Variants in SMARCC2 observed in about 807,000 individuals in gnomAD.
SMARCC2 encodes SWI/SNF complex subunit SMARCC2.
Under a neutral mutation model 151.3 loss-of-function variants are expected in SMARCC2, and 15 were observed. The observed-to-expected ratio is 0.10, with a 90% CI of 0.07 to 0.15. SMARCC2 has a LOEUF of 0.15. Among genes scored for constraint, SMARCC2 ranks in the 10% least tolerant of loss-of-function variants. The probability of loss-of-function intolerance (pLI) is 1.00; values close to 1 mark genes in which losing one functional copy is unlikely to be tolerated. For synonymous variants in SMARCC2, 590 were observed against 609.5 expected, an observed-to-expected ratio of 0.97 and a Z score of 0.47; for missense variants, 1,031 against 1,599.7, an observed-to-expected ratio of 0.64 and a Z score of 6.06.
At position 56,186,147 on chromosome 12, in the gene SMARCC2, C is replaced by G. The variant is rs1592326851; in HGVS notation, c.317+8G>C. 1.1e-5 allele frequency: 18 copies of G among 1,568,412 alleles called. No homozygotes were observed. Among genetic ancestry groups the G allele is most frequent in the Non-Finnish European group, 1.5e-5 (17 of 1,138,394 alleles). On this transcript the variant is annotated splice_region_variant and intron_variant, in intron 3 of 28. Transcript: ENST00000550164. ...TAAATATAAGAAGAATAGAGAGAAT[C>G]ATCTCACCATCCCTGGTCACTCTTG...
chr12:56,164,198 G>T, intron 28 of SMARCC2, 105 bp downstream of exon 28: 2 of 1,007,958 alleles, frequency 2.0e-6, no homozygotes, highest in Non-Finnish European at 2.9e-6. Context: ...GTTCAAAAAG[G>T]ATTGTGGAAA....
chr12:56,188,421 G>C (rs1877690131), intron 1 of SMARCC2, among the ~76,000 whole-genome samples: 1 of 152,176 alleles, frequency 6.6e-6, no homozygotes, highest in Admixed American at 6.5e-5. Flanking sequence ...AGGAAGAACT[G>C]GGGAGCTGAA....
At chr12:56,175,302 C>T (rs963530336) in intron 15 of SMARCC2, among the ~76,000 whole-genome samples, 1 of 152,190 alleles carries the variant, frequency 6.6e-6, no homozygotes, top group Admixed American at 6.5e-5. Context: ...TGAGCCACTG[C>T]ACCTAGCCAT....
At chr12:56,176,103 C>T (rs775257178) in intron 15 of SMARCC2, among the ~76,000 whole-genome samples, 4 of 152,148 alleles carry the variant, frequency 2.6e-5, no homozygotes, top group Non-Finnish European at 2.9e-5. Context: ...GTGATCTGCC[C>T]GCCTGGGCCT....
In SMARCC2 at chr12:56,171,256, C is replaced by G; in HGVS notation, c.2347+15G>C. On this transcript the variant is annotated intron_variant, in intron 22 of 28. Transcript: ENST00000550164. This position sits in a 1 kb window ranked among gnomAD's most constrained non-coding sequence, Gnocchi z 4.2. ...TTGTGAAAGGCAAGAAATCTGGGAA[C>G]CTGCCTGGCCTTACCAATCCGCTCA... is the stretch of plus-strand genomic sequence containing the variant. 1 of 1,612,060 alleles carries G rather than the reference C, an allele frequency of 6.2e-7. No individual in the cohort carries two copies. The highest frequency in any genetic ancestry group is 8.5e-7 in the Non-Finnish European group (1 of 1,178,446).
intron 1 of SMARCC2, among the ~76,000 whole-genome samples, chr12:56,187,575 G>T (rs1877497736): frequency 6.6e-6 from 1 of 152,150 alleles, no homozygotes; most frequent in Non-Finnish European, 1.5e-5. Flanking sequence ...TCTGAAATTG[G>T]AGTTGCAGGA....
intron 5 of SMARCC2, 112 bp from the exon 6 acceptor site, chr12:56,184,356 G>A: frequency 1.4e-6 from 1 of 726,216 alleles, no homozygotes; most frequent in African/African-American, 1.8e-5. Context: ...ATTAAAGTTA[G>A]TTTGTATTCT....
In SMARCC2 at chr12:56,181,686, A is replaced by G. The variant is rs777230861; in HGVS notation, c.840+18T>C. On this transcript the variant is annotated intron_variant, in intron 9 of 28. Coordinates refer to ENST00000550164, the MANE Select transcript of SMARCC2 (RefSeq NM_001330288.2). ...CTTATGCTAAGGGCGCCAGGAAAAA[A>G]AGAACAGGATTTGTCACCTCATCTG... The G allele has an allele frequency of 2.5e-5, 41 of 1,614,074 alleles. No individual in the cohort carries two copies. Among genetic ancestry groups the G allele is most frequent in the Non-Finnish European group, 3.1e-5 (36 of 1,180,036 alleles).
intron 20 of SMARCC2, 180 bp downstream of exon 20, chr12:56,172,247 AT>A (rs1874090402): frequency 1.8e-6 from 1 of 570,208 alleles, no homozygotes; most frequent in African/African-American, 1.9e-5. Flanking sequence ...CACCTGGCTA[AT>A]TTTTAAAATT....
chr12:56,170,236 A>G (rs1195282427), intron 22 of SMARCC2, 28 bp from the exon 23 acceptor site: 5 of 1,596,132 alleles, frequency 3.1e-6, no homozygotes, highest in Non-Finnish European at 3.4e-6. Context: ...GAAAGAAAAC[A>G]GGAAATGTTT....
At chr12:56,164,186 G>GTGT in intron 28 of SMARCC2, 117 bp downstream of exon 28, 1 of 905,010 alleles carries the variant, frequency 1.1e-6, no homozygotes, top group Non-Finnish European at 1.7e-6. Context: ...TTTTACCAGA[G>GTGT]TGTTCAAAAA....
chr12:56,183,784 C>T (rs971644113), intron 7 of SMARCC2, 77 bp downstream of exon 7: 59 of 930,474 alleles, frequency 6.3e-5, no homozygotes, highest in Non-Finnish European at 2.4e-5. Flanking sequence ...AAAGAGTGGC[C>T]TCTTGCTCTG....
At chr12:56,181,637 C>A in intron 9 of SMARCC2, 40 bp from the exon 10 acceptor site, 1 of 1,611,244 alleles carries the variant, frequency 6.2e-7, no homozygotes, top group Non-Finnish European at 8.5e-7. Context: ...AGCCTACAAT[C>A]CCCACTGAAG....
At position 56,163,087 on chromosome 12, in the gene SMARCC2, TTATTAGTACGAA is replaced by T. The variant is rs1347262814; in HGVS notation, c.*590_*601del. On this transcript the variant is annotated 3_prime_UTR_variant, in exon 29 of 29. Transcript: ENST00000550164. ...AACAATGAGGAAGCCGCAGGAGGGA[TTATTAGTACGAA>T]TGAACTCGAATAAGCTCAGCGTAGG... The T allele has an allele frequency of 6.6e-6, 1 of 151,874 alleles. No homozygotes were observed. Among genetic ancestry groups the T allele is most frequent in the African/African-American group, 2.4e-5 (1 of 41,330 alleles). The allele number at this position is 151,874 out of a possible 1,614,324, so 9.4% of individuals were successfully genotyped here. A position where few individuals can be genotyped will look rare whatever the true frequency, so the allele number is the denominator to read the frequency against.
chr12:56,166,440 C>T (rs369647223), intron 26 of SMARCC2, among the ~76,000 whole-genome samples: 102 of 152,168 alleles, frequency 6.7e-4, no homozygotes, highest in Middle Eastern at 3.4e-3. Context: ...TGTGAGCCAC[C>T]GCGCCCGGCT....
chr12:56,167,280 G>A (rs572135139), intron 26 of SMARCC2, among the ~76,000 whole-genome samples: 19 of 152,232 alleles, frequency 1.2e-4, no homozygotes, highest in East Asian at 5.8e-4. Context: ...CCCAGGAGGC[G>A]GACGTTGTGG....
chr12:56,166,145 T>A (rs1872728119), intron 26 of SMARCC2, among the ~76,000 whole-genome samples: 1 of 152,194 alleles, frequency 6.6e-6, no homozygotes, highest in Non-Finnish European at 1.5e-5. Flanking sequence ...TGATGTGCAA[T>A]CTCTTTATTT....
Position 56,171,918 on chromosome 12 carries a change from T to C in SMARCC2, c.1946A>G (p.Asp649Gly). The stretch of plus-strand genomic sequence containing the variant: ...ATGCTCGGACACTTTGTTCCAGTCA[T>C]CTTTGTACATTTCCAGTGCCTGGTG... ...LLLEALEMYK[D>G]DWNKVSEHVG... Residue 649 changes from aspartate (D) to glycine (G), a missense_variant, in exon 21 of 29, where the codon GAT becomes GGT. Around this residue, in one of 12 missense-constraint regions of SMARCC2, gnomAD observed 51 missense variants for 137.9 expected, o/e 0.37. Transcript: ENST00000550164. The surrounding 1 kb of genome is among the most constrained non-coding windows in gnomAD (Gnocchi z 4.2). 6.2e-7 allele frequency: 1 copy of C among 1,608,562 alleles called. No individual in the cohort carries two copies. The highest frequency in any genetic ancestry group is 8.5e-7 in the Non-Finnish European group (1 of 1,176,810).
rs1362205617 is a variant in SMARCC2 at position 56,164,561 on chromosome 12, C to T, written c.3403G>A (p.Asp1135Asn). 6.2e-7 allele frequency: 1 copy of T among 1,613,926 alleles called. No individual in the cohort carries two copies. The highest frequency in any genetic ancestry group is 2.2e-5 in the East Asian group (1 of 44,880). ...PSIIPFGSLADSISINLPAPP... is the reference protein window; with the variant it reads ...PSIIPFGSLANSISINLPAPP... ...GCGGGGAGGTTAATACTGATGGAGT[C>T]AGCTAGACTACCAAATGGGATGATG... The change falls in exon 28 of 29, where the codon GAC (aspartate) becomes AAC (asparagine). Residue 1135 changes from aspartate to asparagine, a missense_variant. Asp to Asn is a conservative substitution (Grantham distance 23). This residue lies in a region of SMARCC2 where 310 missense variants were observed against 350.0 expected (regional missense o/e 0.89). Coordinates refer to ENST00000550164, the MANE Select transcript of SMARCC2 (RefSeq NM_001330288.2).
Sources: allele counts gnomAD v4.1 joint callset (sites outside exome capture counted in the v4.1 genomes callset), GRCh38; gene constraint gnomAD v4.1.1; regional missense constraint gnomAD v4.1.1; non-coding constraint Gnocchi (gnomAD v3.1); transcripts MANE v1.5; gene names NCBI Gene and HGNC (gene_info 2026-07-23, HGNC 2026-07-21).